EEF1AKMT4: variants seen among roughly 807,000 people sequenced by gnomAD.
EEF1AKMT4 encodes eukaryotic translation elongation factor 1 alpha lysine specific methyltransferase 4.
In EEF1AKMT4, 17 loss-of-function variants were observed where a neutral mutation model predicts 23.0. That is an observed-to-expected ratio of 0.74 (90% CI 0.51 to 1.11). The LOEUF is 1.11. Ranked by LOEUF, EEF1AKMT4 falls within the 50% of genes least tolerant of loss-of-function variation. The pLI is 0.00. For missense variants in EEF1AKMT4, 318 were observed against 333.4 expected (o/e 0.95, Z 0.36); for synonymous variants, 140 against 141.4 (o/e 0.99, Z 0.07).
chr3:184,258,508 C>T lies in EEF1AKMT4; in HGVS notation c.701C>T (p.Pro234Leu), dbSNP rs756939817. ...LGAQILSPPR[P>L]PTSPCFLQDS... ...GCCCAAATCCTCTCACCCCCCAGAC[C>T]TCCCACCTCACCTTGCTTCCTTCAG... Residue 234 changes from proline (P) to leucine (L), a missense_variant, in exon 3 of 3, where the codon CCT becomes CTT. Pro to Leu is a moderately conservative substitution (Grantham distance 98). Coordinates refer to ENST00000324557, the MANE Select transcript of EEF1AKMT4 (RefSeq NM_032331.4). 7.4e-6 allele frequency: 12 copies of T among 1,612,890 alleles called. No individual in the cohort carries two copies. The highest frequency in any genetic ancestry group is 4.0e-5 in the African/African-American group (3 of 74,862).
chr3:184,253,645 A>G (rs1480292790), intron 1 of EEF1AKMT4, among the ~76,000 whole-genome samples: 1 of 151,218 alleles, frequency 6.6e-6, no homozygotes, highest in East Asian at 1.9e-4. Flanking sequence ...TCCCATGTAG[A>G]AAATGGGAAT....
Position 184,257,731 on chromosome 3 carries a change from A to C in EEF1AKMT4, c.455A>C (p.His152Pro). The C allele has an allele frequency of 1.2e-6, 2 of 1,613,624 alleles. No homozygotes were observed. The highest frequency in any genetic ancestry group is 2.7e-5 in the African/African-American group (2 of 75,064). ...DPWTVSSEGV[H>P]TVDQVLSEVS... Reference sequence around the variant, plus strand: ...TGGACCGTGTCCTCTGAAGGTGTCCACACTGTGGACCAGGTGTTGAGTGAG... The same window carrying C: ...TGGACCGTGTCCTCTGAAGGTGTCCCCACTGTGGACCAGGTGTTGAGTGAG... Residue 152 changes from histidine to proline, a missense_variant, in exon 2 of 3, where the codon CAC (histidine) becomes CCC (proline). His to Pro is a moderately conservative substitution (Grantham distance 77, BLOSUM62 -2). Transcript: ENST00000324557.
chr3:184,251,731 C>CA (rs922403129), intron 1 of EEF1AKMT4, among the ~76,000 whole-genome samples: 3 of 152,074 alleles, frequency 2.0e-5, no homozygotes, highest in Non-Finnish European at 2.9e-5. Context: ...AACAAACAAA[C>CA]AAAAAACCAC....
chr3:184,255,023 A>C (rs549223117), intron 1 of EEF1AKMT4, among the ~76,000 whole-genome samples: 150 of 152,322 alleles, frequency 9.8e-4, no homozygotes, highest in African/African-American at 3.4e-3. Flanking sequence ...CACTGCTTGT[A>C]AAAATGACTG....
At chr3:184,253,852 T>C (rs1719672915) in intron 1 of EEF1AKMT4, among the ~76,000 whole-genome samples, 1 of 152,046 alleles carries the variant, frequency 6.6e-6, no homozygotes, top group South Asian at 2.1e-4. Flanking sequence ...GTATTTTTAG[T>C]AGAGACGGGG....
intron 1 of EEF1AKMT4, among the ~76,000 whole-genome samples, chr3:184,253,609 A>G (rs1289287558): frequency 6.6e-6 from 1 of 152,012 alleles, no homozygotes. Flanking sequence ...GACCTTGAGA[A>G]AGTTTCTTAC....
At chr3:184,250,121 C>G (rs1719460985) in intron 1 of EEF1AKMT4, among the ~76,000 whole-genome samples, 1 of 152,216 alleles carries the variant, frequency 6.6e-6, no homozygotes, top group African/African-American at 2.4e-5. Flanking sequence ...AGAGTTTGAG[C>G]GTTGGGGGTA....
Position 184,257,633 on chromosome 3 carries a change from C to G in EEF1AKMT4, c.357C>G (p.Phe119Leu), listed in dbSNP as rs150788841. The stretch of plus-strand genomic sequence containing the variant: ...CCATGGATGTGCGGAAGCTGGACTT[C>G]CCCAGTGCTTCTTTTGATGTGGTGC... ...WETMDVRKLD[F>L]PSASFDVVLE... The change falls in exon 2 of 3, where the codon TTC (phenylalanine) becomes TTG (leucine). Residue 119 changes from phenylalanine (F) to leucine (L), a missense_variant. Physicochemically the swap from Phe to Leu is conservative, Grantham distance 22. Coordinates refer to ENST00000324557, the MANE Select transcript of EEF1AKMT4 (RefSeq NM_032331.4). 9.2e-5 allele frequency: 148 copies of G among 1,614,138 alleles called. No individual in the cohort carries two copies. In the African/African-American group the frequency reaches 1.8e-3, roughly 20 times the overall value.
At chr3:184,249,970 C>G in intron 1 of EEF1AKMT4, 80 bp downstream of exon 1, 1 of 1,475,732 alleles carries the variant, frequency 6.8e-7, no homozygotes, top group Admixed American at 2.1e-5. Context: ...CCGCTTTCCT[C>G]CCGCCTGTCT....
chr3:184,257,364 A>T, intron 1 of EEF1AKMT4, 109 bp from the exon 2 acceptor site: 1 of 1,153,934 alleles, frequency 8.7e-7, no homozygotes, highest in Non-Finnish European at 1.2e-6. Context: ...TCTCAGTACT[A>T]GAGGGTTTGG....
At chr3:184,251,860 A>C (rs575098230) in intron 1 of EEF1AKMT4, among the ~76,000 whole-genome samples, 2 of 152,340 alleles carry the variant, frequency 1.3e-5, no homozygotes, top group South Asian at 4.1e-4. Context: ...TAAAAACATA[A>C]GCATATTTAT....
intron 1 of EEF1AKMT4, among the ~76,000 whole-genome samples, chr3:184,252,933 T>G (rs2108448734): frequency 9.0e-6 from 1 of 110,742 alleles, no homozygotes; most frequent in Non-Finnish European, 1.7e-5. Context: ...GGTGACAGGG[T>G]GAAACTCCAT....
chr3:184,250,784 T>C (rs1719503483), intron 1 of EEF1AKMT4, among the ~76,000 whole-genome samples: 1 of 152,150 alleles, frequency 6.6e-6, no homozygotes, highest in Admixed American at 6.5e-5. Context: ...AAAAGTATAA[T>C]TTAGTGGTTA....
In EEF1AKMT4 at chr3:184,258,317, G is replaced by T. The variant is rs1188833910; in HGVS notation, c.510G>T (p.Arg170=). The part of the protein sequence containing the change: ...EVSRVLVPGG[R]FISMTSAAPH... ...GCCGCGTGCTTGTCCCTGGAGGCCG[G>T]TTTATCTCAATGACTTCTGCTGCCC... Residue 170 remains arginine (R), a synonymous_variant, in exon 3 of 3, where the codon CGG becomes CGT. Coordinates refer to ENST00000324557, the MANE Select transcript of EEF1AKMT4 (RefSeq NM_032331.4). 3.1e-6 allele frequency: 5 copies of T among 1,613,180 alleles called. No homozygotes were observed. Among genetic ancestry groups the T allele is most frequent in the Admixed American group, 1.7e-5 (1 of 59,948 alleles).
intron 2 of EEF1AKMT4, among the ~76,000 whole-genome samples, chr3:184,258,037 G>A (rs1223299398): frequency 6.6e-6 from 1 of 152,144 alleles, no homozygotes; most frequent in African/African-American, 2.4e-5. Flanking sequence ...GACTGCCAAG[G>A]TGAGCAGTTA....
At chr3:184,250,010 C>T (rs1352004410) in intron 1 of EEF1AKMT4, 120 bp downstream of exon 1, 21 of 1,131,562 alleles carry the variant, frequency 1.9e-5, no homozygotes, top group Non-Finnish European at 2.5e-5. Context: ...TGCGTTGGGA[C>T]GCGAGATCCA....
In EEF1AKMT4 at chr3:184,249,875, C is replaced by T. The variant is rs754877281; in HGVS notation, c.181C>T (p.Arg61Cys). ...AGAGCCGGAGCTGCGGCCCGAGGAC[C>T]GTATCCTTGTGCTAGGTGGGTAATC... ...LLEPELRPED[R>C]ILVLGCGNSA... The change falls in exon 1 of 3, where the codon CGT becomes TGT. Residue 61 changes from arginine (R) to cysteine (C), a missense_variant. Physicochemically the swap from Arg to Cys is radical, Grantham distance 180. Coordinates refer to ENST00000324557, the MANE Select transcript of EEF1AKMT4 (RefSeq NM_032331.4). 1.9e-6 allele frequency: 3 copies of T among 1,611,134 alleles called. No individual in the cohort carries two copies. The highest frequency in any genetic ancestry group is 2.5e-6 in the Non-Finnish European group (3 of 1,178,374).
At chr3:184,250,199 A>T (rs9843277) in intron 1 of EEF1AKMT4, among the ~76,000 whole-genome samples, 5,902 of 152,290 alleles carry the variant, frequency 0.039, 364 homozygotes, top group African/African-American at 0.13. Flanking sequence ...GAGGACCGAG[A>T]TCAAGTCCTA....
At chr3:184,249,932 G>A (rs769090109) in intron 1 of EEF1AKMT4, 42 bp downstream of exon 1, 20 of 1,589,836 alleles carry the variant, frequency 1.3e-5, no homozygotes, top group Non-Finnish European at 1.7e-5. Flanking sequence ...GAGCTGGCAG[G>A]ACCGGCGCCG....
Sources: gnomAD v4.1 joint callset for allele counts (sites outside exome capture counted in the v4.1 genomes callset) on GRCh38, gnomAD v4.1.1 for gene constraint, MANE v1.5 for transcripts, NCBI Gene and HGNC (gene_info 2026-07-23, HGNC 2026-07-21) for gene names.